The following PREX2 variants were observed in gnomAD, a reference collection of about 807,000 sequenced individuals.
The protein encoded by PREX2 is phosphatidylinositol-3,4,5-trisphosphate dependent Rac exchange factor 2.
In PREX2, 107 loss-of-function variants were observed where a neutral mutation model predicts 203.2. That is an observed-to-expected ratio of 0.53 (90% CI 0.45 to 0.62). PREX2 has a LOEUF of 0.62. Ranked by LOEUF, PREX2 falls within the 20% of genes least tolerant of loss-of-function variation. PREX2 has a pLI of 0.00. For synonymous variants in PREX2, 672 were observed against 663.6 expected, an observed-to-expected ratio of 1.01 and a Z score of -0.19; for missense variants, 1,777 against 1,955.9, an observed-to-expected ratio of 0.91 and a Z score of 1.72.
intron 1 of PREX2, among the ~76,000 whole-genome samples, chr8:68,002,954 A>G (rs1191430080): frequency 6.6e-6 from 1 of 152,152 alleles, no homozygotes; most frequent in African/African-American, 2.4e-5. Context: ...ATATTTCAAT[A>G]TTGTACAGGG....
intron 15 of PREX2, among the ~76,000 whole-genome samples, chr8:68,079,292 A>G (rs1361479397): frequency 6.6e-6 from 1 of 152,244 alleles, no homozygotes; most frequent in African/African-American, 2.4e-5. Context: ...ACCAAAGATC[A>G]ATAAAGCCAT....
At chr8:68,137,362 C>T (rs987761215) in intron 32 of PREX2, among the ~76,000 whole-genome samples, 11 of 152,152 alleles carry the variant, frequency 7.2e-5, no homozygotes, top group Middle Eastern at 6.8e-3. Flanking sequence ...CAACCTCCTG[C>T]GCTCAAGTGA....
At chr8:68,121,956 C>G (rs1289033929) in intron 30 of PREX2, among the ~76,000 whole-genome samples, 1 of 152,140 alleles carries the variant, frequency 6.6e-6, no homozygotes, top group Non-Finnish European at 1.5e-5. Flanking sequence ...ATTCTTCAGT[C>G]ATTTGTTTGT....
chr8:68,030,680 A>T, intron 6 of PREX2, 22 bp downstream of exon 6: 1 of 1,612,144 alleles, frequency 6.2e-7, no homozygotes, highest in East Asian at 2.2e-5. Context: ...TTGCTTGACA[A>T]TCGAGCTTAA....
chr8:68,138,472 G>T lies in PREX2; in HGVS notation c.4042G>T (p.Val1348Phe). ...GGTTGCACTATTTGATTTGGAAAAG[G>T]TTTCCTTTTACTTTAAACCATCAGA... ...TLVALFDLEK[V>F]SFYFKPSEEE... The change falls in exon 33 of 40, where the codon GTT (valine) becomes TTT (phenylalanine). Residue 1348 changes from valine (V) to phenylalanine (F), a missense_variant. Coordinates refer to ENST00000288368, the MANE Select transcript of PREX2 (RefSeq NM_024870.4). The T allele has an allele frequency of 1.2e-6, 2 of 1,606,092 alleles. No homozygotes were observed. The highest frequency in any genetic ancestry group is 1.7e-6 in the Non-Finnish European group (2 of 1,175,616).
intron 35 of PREX2, among the ~76,000 whole-genome samples, chr8:68,159,251 T>C (rs1358996497): frequency 1.3e-5 from 2 of 152,232 alleles, no homozygotes; most frequent in East Asian, 3.8e-4. Context: ...AGTTTTTTTC[T>C]GAAACATTTT....
intron 31 of PREX2, among the ~76,000 whole-genome samples, chr8:68,131,841 C>CTTTT (rs1811017143): frequency 6.6e-6 from 1 of 152,066 alleles, no homozygotes; most frequent in Non-Finnish European, 1.5e-5. Context: ...CACTCAATAT[C>CTTTT]CATAATTTCT....
intron 1 of PREX2, among the ~76,000 whole-genome samples, chr8:67,973,555 T>G (rs1001322543): frequency 6.6e-6 from 1 of 152,186 alleles, no homozygotes; most frequent in Non-Finnish European, 1.5e-5. Flanking sequence ...AACATCACCT[T>G]TTTGTAATGA....
intron 25 of PREX2, among the ~76,000 whole-genome samples, chr8:68,115,024 T>C (rs577663659): frequency 1.9e-5 from 1 of 52,094 alleles, no homozygotes; most frequent in Non-Finnish European, 4.0e-5. Flanking sequence ...TTTCTTTCTT[T>C]TTTTTTTTTT....
At chr8:68,063,370 T>G (rs1199757036) in intron 11 of PREX2, among the ~76,000 whole-genome samples, 2 of 152,046 alleles carry the variant, frequency 1.3e-5, no homozygotes, top group Non-Finnish European at 2.9e-5. Flanking sequence ...GCCAAGGACA[T>G]GTACACAAAA....
rs16933857 is a variant in PREX2 at position 67,970,024 on chromosome 8, C to G, written c.141+17489C>G. 5.0e-3 allele frequency among the ~76,000 whole-genome samples: 762 copies of G among 152,082 alleles called. 4 individuals are homozygous for G. Among genetic ancestry groups the G allele is most frequent in the African/African-American group, 0.012 (511 of 41,486 alleles). On this transcript the variant is annotated intron_variant, in intron 1 of 39. Transcript: ENST00000288368. ...TTCCTAGTACCTTCCATATTTTTTC[C>G]TCTTGGTTGTTTATGCTGTAGTTAT...
At chr8:68,195,590 C>A (rs1463867758) in intron 37 of PREX2, among the ~76,000 whole-genome samples, 1 of 152,060 alleles carries the variant, frequency 6.6e-6, no homozygotes, top group Non-Finnish European at 1.5e-5. Context: ...TAAAATAGTC[C>A]TTTAGTAATT....
In PREX2 at chr8:68,194,883, G is replaced by A. The variant is rs532951687; in HGVS notation, c.4604+2358G>A. Among the ~76,000 whole-genome samples, 18 of 146,462 alleles carry A rather than the reference G, an allele frequency of 1.2e-4. No individual in the cohort carries two copies. In the East Asian group the frequency reaches 3.8e-3, roughly 31 times the overall value. On this transcript the variant is annotated intron_variant, in intron 37 of 39. Transcript: ENST00000288368. The stretch of plus-strand genomic sequence containing the variant: ...GAGACCATAGGGACCAGCAGCTTGA[G>A]TGTCCTCAAGTGGGAAAGTGCCCAG...
At chr8:68,100,517 G>A (rs1810229530) in intron 23 of PREX2, among the ~76,000 whole-genome samples, 1 of 152,200 alleles carries the variant, frequency 6.6e-6, no homozygotes, top group Non-Finnish European at 1.5e-5. Flanking sequence ...TGTGGCTAGA[G>A]AAAGCCCCTT....
chr8:68,071,522 A>T (rs1473858925), intron 13 of PREX2, among the ~76,000 whole-genome samples: 1 of 152,140 alleles, frequency 6.6e-6, no homozygotes, highest in African/African-American at 2.4e-5. Flanking sequence ...AGAATTTTTG[A>T]CATTTTATAA....
At chr8:67,972,334 G>A (rs1297125902) in intron 1 of PREX2, among the ~76,000 whole-genome samples, 2 of 152,174 alleles carry the variant, frequency 1.3e-5, no homozygotes, top group Non-Finnish European at 2.9e-5. Flanking sequence ...ATCAGATATA[G>A]TCATGTATTC....
At chr8:68,026,117 AGCATGCTT>A (rs1807708991) in intron 4 of PREX2, among the ~76,000 whole-genome samples, 1 of 152,148 alleles carries the variant, frequency 6.6e-6, no homozygotes, top group African/African-American at 2.4e-5. Flanking sequence ...ACCCCCAAAG[AGCATGCTT>A]GCGTAAGAGC....
intron 35 of PREX2, among the ~76,000 whole-genome samples, chr8:68,158,364 A>C (rs1269543303): frequency 6.6e-6 from 1 of 152,056 alleles, no homozygotes; most frequent in African/African-American, 2.4e-5. Context: ...ACCTGAGACA[A>C]AATTAGTATA....
Position 68,030,477 on chromosome 8 carries a change from GT to G in PREX2, c.544-13del, listed in dbSNP as rs1289587257. 6 of 1,609,460 alleles carry G rather than the reference GT, an allele frequency of 3.7e-6. No individual in the cohort carries two copies. The highest frequency in any genetic ancestry group is 2.2e-5 in the East Asian group (1 of 44,762). On this transcript the variant is annotated intron_variant, in intron 5 of 39. Coordinates refer to ENST00000288368, the MANE Select transcript of PREX2 (RefSeq NM_024870.4). ...AAAGCTGAAGATCAAAGGGCGATTT[GT>G]TTTTTTGTGTATAAACAGGAGTTGC... is the stretch of plus-strand genomic sequence containing the variant.
Sources: allele counts gnomAD v4.1 joint callset (sites outside exome capture counted in the v4.1 genomes callset), GRCh38; gene constraint gnomAD v4.1.1; transcripts MANE v1.5; gene names NCBI Gene and HGNC (gene_info 2026-07-23, HGNC 2026-07-21).